Variants in C3orf49 observed in about 807,000 individuals in gnomAD.
C3orf49 encodes the protein chromosome 3 open reading frame 49, also known as putative uncharacterized protein C3orf49.
Under a neutral mutation model 13.3 loss-of-function variants are expected in C3orf49, and 27 were observed. The observed-to-expected ratio is 2.02, with a 90% CI of 1.49 to 2.79. The LOEUF is 2.79. C3orf49 is among the 30% of genes most tolerant of loss of function. C3orf49 has a pLI of 0.00. For missense variants in C3orf49, 242 were observed against 134.2 expected (o/e 1.80, Z -3.97); for synonymous variants, 87 against 47.6 (o/e 1.83, Z -3.40).
chr3:63,835,066 CT>C, intron 5 of C3orf49: 1 of 1,301,422 alleles, frequency 7.7e-7, no homozygotes, highest in Admixed American at 2.1e-5. Context: ...GGTATACTGT[CT>C]CTCCAAGATG....
At chr3:63,839,716 C>T (rs781435774) in intron 5 of C3orf49, 1 of 1,612,994 alleles carries the variant, frequency 6.2e-7, no homozygotes, top group South Asian at 1.1e-5. Flanking sequence ...CAGATTAATT[C>T]TCCGATCATC....
chr3:63,815,790 CAG>C (rs1701317871), upstream of C3orf49, among the ~76,000 whole-genome samples: 1 of 112,786 alleles, frequency 8.9e-6, no homozygotes, highest in Non-Finnish European at 1.7e-5. Flanking sequence ...TTTTTTTTGA[CAG>C]AGTCTTGCTC....
intron 6 of C3orf49, among the ~76,000 whole-genome samples, chr3:63,847,850 C>G (rs1378810022): frequency 6.6e-6 from 1 of 152,204 alleles, no homozygotes; most frequent in African/African-American, 2.4e-5. Flanking sequence ...TCTAAGCCCT[C>G]CAGCCAATTG....
the C3orf49 span, among the ~76,000 whole-genome samples, chr3:63,811,691 T>C: frequency 6.6e-6 from 1 of 151,636 alleles, no homozygotes; most frequent in East Asian, 1.9e-4. Flanking sequence ...TTGGGAGGTA[T>C]AGCAAGACCC....
Position 63,819,512 on chromosome 3 carries a change from T to C in C3orf49, c.41T>C (p.Ile14Thr), listed in dbSNP as rs1043972924. Residue 14 changes from isoleucine (I) to threonine (T), a missense_variant, in exon 1 of 7, where the codon ATT becomes ACT. By Grantham distance (89) the Ile-to-Thr change is moderately conservative (BLOSUM62 -1). Coordinates refer to ENST00000295896, the MANE Select transcript of C3orf49 (RefSeq NM_001355236.2). ...PQLYLPEPFK[I>T]AYRKVGQCRR... ...CTGTATCTACCAGAACCCTTTAAGA[T>C]TGCCTACAGAAAAGTTGGACAGTGC... 1.3e-5 allele frequency: 9 copies of C among 702,900 alleles called. No homozygotes were observed. The highest frequency in any genetic ancestry group is 2.1e-5 in the Non-Finnish European group (8 of 384,982). The allele number at this position is 702,900 out of a possible 1,614,324, so 43.5% of individuals were successfully genotyped here.
At chr3:63,785,476 G>A in the C3orf49 span, among the ~76,000 whole-genome samples, 1 of 152,104 alleles carries the variant, frequency 6.6e-6, no homozygotes, top group Non-Finnish European at 1.5e-5. Flanking sequence ...CAATTTGATT[G>A]GAAAGGTTTA....
chr3:63,823,958 A>G (rs1048132837), intron 2 of C3orf49, among the ~76,000 whole-genome samples: 5 of 151,834 alleles, frequency 3.3e-5, no homozygotes, highest in African/African-American at 1.2e-4. Flanking sequence ...GTGCCACCAC[A>G]CCCAGCTAAA....
chr3:63,813,461 A>G, the C3orf49 span, among the ~76,000 whole-genome samples: 98 of 152,364 alleles, frequency 6.4e-4, no homozygotes, highest in African/African-American at 2.2e-3. Flanking sequence ...TAGAGAGTAA[A>G]TGCCAACTGA....
chr3:63,840,309 A>T (rs1290198995), intron 5 of C3orf49, among the ~76,000 whole-genome samples: 1 of 152,174 alleles, frequency 6.6e-6, no homozygotes, highest in Non-Finnish European at 1.5e-5. Context: ...GTGAGGGAAA[A>T]AGGAATGGAT....
In C3orf49 at chr3:63,827,676, G is replaced by T. The variant is rs1204966017; in HGVS notation, c.521G>T (p.Arg174Ile). The T allele has an allele frequency of 2.8e-6, 2 of 702,982 alleles. No homozygotes were observed. Among genetic ancestry groups the T allele is most frequent in the Non-Finnish European group, 5.2e-6 (2 of 385,040 alleles). 43.5% of individuals were successfully genotyped at this position (702,982 alleles called of 1,614,324 possible). A position where few individuals can be genotyped will look rare whatever the true frequency, so the allele number is the denominator to read the frequency against. The change falls in exon 3 of 7, where the codon AGA (arginine) becomes ATA (isoleucine). Residue 174 changes from arginine (R) to isoleucine (I), a missense_variant. Transcript: ENST00000295896. ...TQGNTLLRAR[R>I]TTKRLSVTSL... The stretch of plus-strand genomic sequence containing the variant: ...GGAAACACACTCCTTCGGGCCAGGA[G>T]AACCACCAAGCGGTTATCTGTGACA...
At chr3:63,838,825 A>C (rs1701692675) in intron 5 of C3orf49, among the ~76,000 whole-genome samples, 1 of 152,220 alleles carries the variant, frequency 6.6e-6, no homozygotes, top group Admixed American at 6.5e-5. Flanking sequence ...CTGTTCCCAC[A>C]ATTTTTTCAC....
chr3:63,831,596 T>C, intron 4 of C3orf49, 84 bp from the exon 5 acceptor site: 1 of 666,566 alleles, frequency 1.5e-6, no homozygotes, highest in Admixed American at 2.7e-5. Context: ...CCAGAACTCT[T>C]CTCTCAGGAA....
intron 5 of C3orf49, chr3:63,836,280 A>C: frequency 1.1e-5 from 18 of 1,607,146 alleles, no homozygotes; most frequent in Non-Finnish European, 1.4e-5. Flanking sequence ...AGTTCCTTTC[A>C]AAGTAAAGCT....
chr3:63,792,623 T>A, the C3orf49 span, among the ~76,000 whole-genome samples: 2 of 152,218 alleles, frequency 1.3e-5, no homozygotes, highest in Non-Finnish European at 2.9e-5. Context: ...AAACATTTCC[T>A]GAGAGTCTAT....
intron 5 of C3orf49, among the ~76,000 whole-genome samples, chr3:63,835,774 G>C (rs899049460): frequency 3.3e-5 from 5 of 151,900 alleles, no homozygotes; most frequent in Non-Finnish European, 5.9e-5. Context: ...TCTATCCTGG[G>C]CCTTTTTATC....
chr3:63,844,028 G>A (rs1000630319), intron 5 of C3orf49, among the ~76,000 whole-genome samples: 1 of 152,118 alleles, frequency 6.6e-6, no homozygotes, highest in Non-Finnish European at 1.5e-5. Context: ...CCATAAAAAG[G>A]AGGACATCCT....
intron 5 of C3orf49, chr3:63,834,091 G>T (rs1701574996): frequency 2.5e-6 from 4 of 1,597,198 alleles, no homozygotes; most frequent in Admixed American, 1.7e-5. Flanking sequence ...TGGTCATGTA[G>T]CTATTTCAAT....
intron 5 of C3orf49, chr3:63,838,422 T>C (rs1701679061): frequency 1.9e-6 from 3 of 1,599,534 alleles, no homozygotes; most frequent in African/African-American, 1.3e-5. Context: ...GAGATTCATA[T>C]CATATACTAG....
At chr3:63,838,431 A>ATGG in intron 5 of C3orf49, 1 of 1,606,036 alleles carries the variant, frequency 6.2e-7, no homozygotes, top group East Asian at 2.2e-5. Flanking sequence ...ATCATATACT[A>ATGG]GTAAAGTTTT....
Sources: gnomAD v4.1 joint callset for allele counts (sites outside exome capture counted in the v4.1 genomes callset) on GRCh38, gnomAD v4.1.1 for gene constraint, MANE v1.5 for transcripts, NCBI Gene and HGNC (gene_info 2026-07-23, HGNC 2026-07-21) for gene names.